TDRD12: variants seen among roughly 807,000 people sequenced by gnomAD.
The protein encoded by TDRD12 is putative ATP-dependent RNA helicase TDRD12.
A neutral mutation model predicts 133.5 loss-of-function variants in TDRD12; 158 were observed. The observed-to-expected ratio is 1.18, with a 90% CI of 1.04 to 1.35. TDRD12 has a LOEUF of 1.35. Among genes scored for constraint, TDRD12 ranks in the 40% most tolerant of loss-of-function variants. TDRD12 has a pLI of 0.00. For missense variants in TDRD12, 1,443 were observed against 1,321.3 expected (o/e 1.09, Z -1.43); for synonymous variants, 460 against 477.9 (o/e 0.96, Z 0.49).
At position 32,729,778 on chromosome 19, in the gene TDRD12, C is replaced by CTTTTTTTTTTTTT. The variant is rs1162347194; in HGVS notation, c.25-1931_25-1919dup. Among the ~76,000 whole-genome samples, 239 of 73,698 alleles carry CTTTTTTTTTTTTT rather than the reference C, an allele frequency of 3.2e-3. 12 individuals are homozygous for CTTTTTTTTTTTTT. Among genetic ancestry groups the CTTTTTTTTTTTTT allele is most frequent in the Non-Finnish European group, 4.3e-3 (174 of 40,940 alleles). The allele number at this position is 73,698 out of a possible 152,430, so 48.3% of individuals were successfully genotyped here. A position where few individuals can be genotyped will look rare whatever the true frequency, so the allele number is the denominator to read the frequency against. On this transcript the variant is annotated intron_variant, in intron 1 of 27. Transcript: ENST00000444215. The stretch of plus-strand genomic sequence containing the variant: ...TTTCTGGTGACTACTTTTTCTTTTT[C>CTTTTTTTTTTTTT]TTTTTTTTTTTTTTTTTTTTTTTTT...
intron 8 of TDRD12, among the ~76,000 whole-genome samples, chr19:32,764,284 G>T (rs1970234953): frequency 6.6e-6 from 1 of 151,626 alleles, no homozygotes; most frequent in Non-Finnish European, 1.5e-5. Context: ...CTAATTTTTT[G>T]TATTTTTAGC....
intron 26 of TDRD12, among the ~76,000 whole-genome samples, chr19:32,817,405 G>A (rs2145746863): frequency 6.6e-6 from 1 of 152,128 alleles, no homozygotes; most frequent in Middle Eastern, 3.4e-3. Context: ...TCAGTGTAAG[G>A]TCCTCAAGGT....
chr19:32,791,726 T>G (rs1391681509), intron 13 of TDRD12, among the ~76,000 whole-genome samples: 1 of 151,986 alleles, frequency 6.6e-6, no homozygotes, highest in East Asian at 1.9e-4. Context: ...TGGAGGCTCT[T>G]TTTGGAGAAA....
intron 8 of TDRD12, among the ~76,000 whole-genome samples, chr19:32,769,491 T>G (rs1281442830): frequency 3.3e-5 from 5 of 152,228 alleles, no homozygotes; most frequent in Admixed American, 3.3e-4. Flanking sequence ...GACTGCCTGT[T>G]TGCCCATAGC....
chr19:32,744,518 A>AC (rs1891081648), intron 4 of TDRD12, among the ~76,000 whole-genome samples: 1 of 150,678 alleles, frequency 6.6e-6, no homozygotes, highest in African/African-American at 2.4e-5. Flanking sequence ...AAAAAAAAAA[A>AC]AAAAAACAAA....
chr19:32,823,444 G>T (rs115508724), downstream of TDRD12, among the ~76,000 whole-genome samples: 189 of 152,212 alleles, frequency 1.2e-3, no homozygotes, highest in African/African-American at 4.3e-3. Context: ...GGGTTTAGAC[G>T]CATTTCATTA....
At chr19:32,778,375 G>A (rs952611226) in intron 11 of TDRD12, among the ~76,000 whole-genome samples, 7 of 152,094 alleles carry the variant, frequency 4.6e-5, no homozygotes, top group Non-Finnish European at 8.8e-5. Flanking sequence ...AATACCCAAA[G>A]GTTTTGCTGT....
At chr19:32,747,597 C>G (rs1266513796) in intron 4 of TDRD12, among the ~76,000 whole-genome samples, 1 of 152,172 alleles carries the variant, frequency 6.6e-6, no homozygotes, top group African/African-American at 2.4e-5. Context: ...CTGCCTACAG[C>G]TTTTCCTACA....
At chr19:32,827,278 A>G in exon 10 of TDRD12, 1 of 1,230,858 alleles carries the variant, frequency 8.1e-7, no homozygotes, top group Non-Finnish European at 1.0e-6. Flanking sequence ...CGTCCTCAAG[A>G]GCGGCTGGAA....
intron 8 of TDRD12, among the ~76,000 whole-genome samples, chr19:32,765,099 A>G (rs1970257869): frequency 6.6e-6 from 1 of 152,270 alleles, no homozygotes; most frequent in Non-Finnish European, 1.5e-5. Flanking sequence ...GACACTTCTC[A>G]AAAGAAGACA....
At chr19:32,756,974 A>C in intron 7 of TDRD12, 64 bp from the exon 8 acceptor site, 4 of 1,328,008 alleles carry the variant, frequency 3.0e-6, no homozygotes, top group Non-Finnish European at 4.2e-6. Flanking sequence ...TGTACTAACG[A>C]GTTCACATTT....
chr19:32,818,544 C>T (rs1967267398), intron 27 of TDRD12, among the ~76,000 whole-genome samples: 1 of 152,162 alleles, frequency 6.6e-6, no homozygotes, highest in South Asian at 2.1e-4. Context: ...GAGGCTTGGA[C>T]CAGGTGGCTT....
At chr19:32,797,753 T>C (rs1408868889) in exon 15 of TDRD12, 2 of 694,130 alleles carry the variant, frequency 2.9e-6, no homozygotes, top group Non-Finnish European at 5.2e-6. Flanking sequence ...AGTCATCGTG[T>C]GCCCTGGGTG....
chr19:32,814,641 TAAAAG>T (rs1179699209), intron 25 of TDRD12, among the ~76,000 whole-genome samples: 1 of 152,148 alleles, frequency 6.6e-6, no homozygotes, highest in African/African-American at 2.4e-5. Context: ...AGCAGAGATT[TAAAAG>T]AGATTGAAGT....
At chr19:32,827,899 T>C (rs1298811267) in exon 10 of TDRD12, 1 of 152,210 alleles carries the variant, frequency 6.6e-6, no homozygotes, top group Non-Finnish European at 1.5e-5. Context: ...CAGACATGCA[T>C]CTGGGTGATG....
chr19:32,799,917 G>A (rs1031011931), intron 16 of TDRD12, among the ~76,000 whole-genome samples: 7 of 151,720 alleles, frequency 4.6e-5, no homozygotes, highest in Non-Finnish European at 1.5e-5. Context: ...TGTATCTTTA[G>A]TAGAGATGGG....
At chr19:32,815,403 T>C in intron 25 of TDRD12, 45 bp from the exon 26 acceptor site, 1 of 1,472,068 alleles carries the variant, frequency 6.8e-7, no homozygotes, top group Non-Finnish European at 9.1e-7. Flanking sequence ...TCAGTTAAAA[T>C]TCAGAGTGAT....
chr19:32,753,289 T>A lies in TDRD12; in HGVS notation c.583-2703T>A, dbSNP rs146597891. On this transcript the variant is annotated intron_variant, in intron 6 of 27. Transcript: ENST00000444215. ...ACAAATCTATATTTCTGTATCCATC[T>A]GTACACATATTAAGAGCTTTGATAT... Among the ~76,000 whole-genome samples, 297 of 152,338 alleles carry A rather than the reference T, an allele frequency of 1.9e-3. 1 individual carries two copies. Among genetic ancestry groups the A allele is most frequent in the African/African-American group, 6.9e-3 (285 of 41,582 alleles).
chr19:32,804,560 G>T (rs573187979), intron 21 of TDRD12, among the ~76,000 whole-genome samples: 4 of 151,678 alleles, frequency 2.6e-5, no homozygotes, highest in Admixed American at 6.6e-5. Context: ...GGGCGTGGTG[G>T]TGCGTGCCTG....
Sources: gnomAD v4.1 joint callset for allele counts (sites outside exome capture counted in the v4.1 genomes callset) on GRCh38, gnomAD v4.1.1 for gene constraint, MANE v1.5 for transcripts, NCBI Gene and HGNC (gene_info 2026-07-23, HGNC 2026-07-21) for gene names.